The following BRPF3 variants were observed in gnomAD, a reference collection of about 807,000 sequenced individuals.
The protein encoded by BRPF3 is bromodomain and PHD finger-containing protein 3.
BRPF3 carries 18 observed loss-of-function variants against 102.0 expected under a neutral mutation model. That is an observed-to-expected ratio of 0.18 (90% CI 0.12 to 0.26). The LOEUF is 0.26. BRPF3 is among the 10% of genes least tolerant of loss of function. The pLI, the probability that BRPF3 is intolerant of heterozygous loss-of-function variation, is 1.00. For synonymous variants in BRPF3, 570 were observed against 614.2 expected (o/e 0.93, Z 1.06); for missense variants, 1,147 against 1,567.8 (o/e 0.73, Z 4.53).
intron 1 of BRPF3, among the ~76,000 whole-genome samples, chr6:36,198,510 G>A (rs954163103): frequency 2.0e-5 from 3 of 152,258 alleles, no homozygotes; most frequent in African/African-American, 7.2e-5. Context: ...AAATTGTAGC[G>A]TTATCACTTA....
intron 1 of BRPF3, chr6:36,197,552 A>G (rs1767545279): frequency 6.8e-6 from 1 of 147,704 alleles, no homozygotes; most frequent in South Asian, 2.2e-4. Context: ...TCTCCTGAGT[A>G]TCTTGTGTGA....
At chr6:36,198,237 C>T (rs1244444342) in intron 1 of BRPF3, among the ~76,000 whole-genome samples, 2 of 152,180 alleles carry the variant, frequency 1.3e-5, no homozygotes, top group Non-Finnish European at 2.9e-5. Flanking sequence ...GTTTCAGTCA[C>T]ACTTTGGGAT....
chr6:36,210,127 GA>G lies in BRPF3; in HGVS notation c.1867-86del. 1 of 1,528,482 alleles carries G rather than the reference GA, an allele frequency of 6.5e-7. No individual in the cohort carries two copies. Among genetic ancestry groups the G allele is most frequent in the Middle Eastern group, 1.7e-4 (1 of 5,876 alleles). 94.7% of individuals were successfully genotyped at this position (1,528,482 alleles called of 1,614,324 possible). A position where few individuals can be genotyped will look rare whatever the true frequency, so the allele number is the denominator to read the frequency against. On this transcript the variant is annotated intron_variant, in intron 5 of 12. Coordinates refer to ENST00000357641, the MANE Select transcript of BRPF3 (RefSeq NM_015695.3). This position sits in a 1 kb window ranked among gnomAD's most constrained non-coding sequence, Gnocchi z 4.7. ...GAGTTAGCCTGGCATGGCCAAATCAGAAATTGAGGAGGCCAAGAGTATTGGT... is the reference window on the plus strand; with the variant it reads ...GAGTTAGCCTGGCATGGCCAAATCAGAATTGAGGAGGCCAAGAGTATTGGT...
chr6:36,203,116 T>C (rs989343041), intron 2 of BRPF3, among the ~76,000 whole-genome samples: 3 of 152,222 alleles, frequency 2.0e-5, no homozygotes, highest in Admixed American at 6.5e-5. Flanking sequence ...ACCCTGAGGC[T>C]AGAATCTTTG....
In BRPF3 at chr6:36,213,036, G is replaced by A. The variant is rs564475652; in HGVS notation, c.2483-844G>A. ...CCACTGATTTAACTTACTTGGTCTCGTTTTTCACATTTGTGAACTTTTTCT... is the reference window on the plus strand; with the variant it reads ...CCACTGATTTAACTTACTTGGTCTCATTTTTCACATTTGTGAACTTTTTCT... On this transcript the variant is annotated intron_variant, in intron 7 of 12. Coordinates refer to ENST00000357641, the MANE Select transcript of BRPF3 (RefSeq NM_015695.3). 5.3e-5 allele frequency among the ~76,000 whole-genome samples: 8 copies of A among 151,958 alleles called. No individual in the cohort carries two copies. The South Asian group carries it at 1.2e-3, about 24-fold the overall frequency.
At chr6:36,208,693 CT>C (rs1767990955) in intron 4 of BRPF3, among the ~76,000 whole-genome samples, 1 of 152,208 alleles carries the variant, frequency 6.6e-6, no homozygotes, top group Non-Finnish European at 1.5e-5. Context: ...GATCCCACAG[CT>C]GAACTTCTCA....
At position 36,200,944 on chromosome 6, in the gene BRPF3, C is replaced by T; in HGVS notation, c.622C>T (p.Leu208Phe). Residue 208 changes from leucine (L) to phenylalanine (F), a missense_variant, in exon 2 of 13, where the codon CTC becomes TTC. Coordinates refer to ENST00000357641, the MANE Select transcript of BRPF3 (RefSeq NM_015695.3). This position sits in a 1 kb window ranked among gnomAD's most constrained non-coding sequence, Gnocchi z 5.3. ...ESRSSGAQQS[L>F]IDEDAFCCVC... The stretch of plus-strand genomic sequence containing the variant: ...TCGCAGCAGTGGGGCCCAACAGTCA[C>T]TCATCGATGAAGACGCTTTCTGCTG... 6.2e-7 allele frequency: 1 copy of T among 1,614,202 alleles called. No homozygotes were observed. Among genetic ancestry groups the T allele is most frequent in the Non-Finnish European group, 8.5e-7 (1 of 1,180,040 alleles).
At chr6:36,223,174 C>T (rs1352336653) in intron 10 of BRPF3, among the ~76,000 whole-genome samples, 1 of 152,184 alleles carries the variant, frequency 6.6e-6, no homozygotes, top group African/African-American at 2.4e-5. Context: ...TCCCTGGATG[C>T]CCTGTCTTTG....
rs1171471014 is a variant in BRPF3, at chr6:36,213,885, T to C, written c.2488T>C (p.Ser830Pro). Residue 830 changes from serine (S) to proline (P), a missense_variant, in exon 8 of 13, where the codon TCC becomes CCC. Around this residue, in one of 11 missense-constraint regions of BRPF3, gnomAD observed 379 missense variants for 426.3 expected, o/e 0.89. Coordinates refer to ENST00000357641, the MANE Select transcript of BRPF3 (RefSeq NM_015695.3). ...ATTCTCTTTTTTTCTAATAGATGAC[T>C]CCAAACTGCCTCCTCCGCCAACCCT... ...EPEDDGDRDD[S>P]KLPPPPTLEP... 8.8e-6 allele frequency: 14 copies of C among 1,598,060 alleles called. No homozygotes were observed. Among genetic ancestry groups the C allele is most frequent in the Non-Finnish European group, 1.1e-5 (13 of 1,171,974 alleles).
intron 9 of BRPF3, among the ~76,000 whole-genome samples, chr6:36,218,699 T>C (rs903627703): frequency 3.9e-5 from 6 of 152,144 alleles, no homozygotes; most frequent in Non-Finnish European, 7.3e-5. Flanking sequence ...CCTCAAGTGA[T>C]CTGCCCGCCG....
chr6:36,216,151 G>A (rs1161796563), intron 8 of BRPF3, among the ~76,000 whole-genome samples: 1 of 152,126 alleles, frequency 6.6e-6, no homozygotes, highest in Non-Finnish European at 1.5e-5. Context: ...ACTTCTCTGA[G>A]CCTGTTTCCT....
Position 36,213,951 on chromosome 6 carries a change from T to A in BRPF3, c.2554T>A (p.Ser852Thr). 3 of 1,613,462 alleles carry A rather than the reference T, an allele frequency of 1.9e-6. No individual in the cohort carries two copies. Among genetic ancestry groups the A allele is most frequent in the Non-Finnish European group, 2.5e-6 (3 of 1,179,848 alleles). Residue 852 changes from serine (S) to threonine (T), a missense_variant, in exon 8 of 13, where the codon TCC becomes ACC. This residue lies in a region of BRPF3 where 379 missense variants were observed against 426.3 expected (regional missense o/e 0.89). Coordinates refer to ENST00000357641, the MANE Select transcript of BRPF3 (RefSeq NM_015695.3). ...GPAPSLSEQE[S>T]PPEPPTLKPI... ...TGCACCTTCCTTGTCTGAGCAAGAA[T>A]CCCCCCCGGAGCCCCCTACTCTGAA... is the stretch of plus-strand genomic sequence containing the variant.
At chr6:36,225,087 T>G (rs1302968655) in intron 10 of BRPF3, among the ~76,000 whole-genome samples, 180 bp from the exon 11 acceptor site, 5 of 152,164 alleles carry the variant, frequency 3.3e-5, no homozygotes. Context: ...TTTACAGAAC[T>G]AGTTTGCTGA....
At chr6:36,209,588 A>G (rs1768021646) in intron 4 of BRPF3, among the ~76,000 whole-genome samples, 199 bp from the exon 5 acceptor site, 1 of 152,224 alleles carries the variant, frequency 6.6e-6, no homozygotes, top group East Asian at 1.9e-4. Context: ...GGTACATAGG[A>G]AACAATAATA....
At chr6:36,205,191 A>G (rs1463689473) in intron 3 of BRPF3, among the ~76,000 whole-genome samples, 1 of 152,244 alleles carries the variant, frequency 6.6e-6, no homozygotes, top group African/African-American at 2.4e-5. Context: ...ATCTGCCAAA[A>G]AATGTTTCAT....
chr6:36,225,458 A>C, intron 11 of BRPF3, 94 bp downstream of exon 11: 3 of 1,166,916 alleles, frequency 2.6e-6, no homozygotes, highest in Non-Finnish European at 3.7e-6. Flanking sequence ...GGTGGGAGTC[A>C]GAGTGTCTTT....
chr6:36,211,773 A>T lies in BRPF3; in HGVS notation c.2482+213A>T, dbSNP rs144918101. ...GAGACTAAAATTTATCCATCTCAGT[A>T]GATGTTGGCTGTTATATTGGAGTGG... On this transcript the variant is annotated intron_variant, in intron 7 of 12. Transcript: ENST00000357641. Among the ~76,000 whole-genome samples, 116 of 152,342 alleles carry T rather than the reference A, an allele frequency of 7.6e-4. 1 individual carries two copies. The highest frequency in any genetic ancestry group is 2.7e-3 in the African/African-American group (114 of 41,572).
intron 7 of BRPF3, 103 bp downstream of exon 7, chr6:36,211,663 C>T (rs1768119732): frequency 7.3e-7 from 1 of 1,373,722 alleles, no homozygotes; most frequent in Non-Finnish European, 9.7e-7. Context: ...TTAGATCTGA[C>T]ACTTGTGGGC....
chr6:36,197,546 CTGAG>C (rs1449800742), intron 1 of BRPF3: 2 of 151,540 alleles, frequency 1.3e-5, no homozygotes, highest in African/African-American at 2.4e-5. Flanking sequence ...TCCTTGTCTC[CTGAG>C]TATCTTGTGT....
Sources: allele counts gnomAD v4.1 joint callset (sites outside exome capture counted in the v4.1 genomes callset), GRCh38; gene constraint gnomAD v4.1.1; regional missense constraint gnomAD v4.1.1; non-coding constraint Gnocchi (gnomAD v3.1); transcripts MANE v1.5; gene names NCBI Gene and HGNC (gene_info 2026-07-23, HGNC 2026-07-21).